CNTRL: variants seen among roughly 807,000 people sequenced by gnomAD.
CNTRL encodes 110 kDa centrosomal protein.
CNTRL carries 233 observed loss-of-function variants against 303.7 expected under a neutral mutation model. That is an observed-to-expected ratio of 0.77 (90% CI 0.69 to 0.86). The LOEUF (loss-of-function observed/expected upper bound fraction) is 0.86. Ranked by LOEUF, CNTRL falls within the 40% of genes least tolerant of loss-of-function variation. The pLI, the probability that CNTRL is intolerant of heterozygous loss-of-function variation, is 0.00. For synonymous variants in CNTRL, 900 were observed against 922.2 expected (o/e 0.98, Z 0.44); for missense variants, 2,524 against 2,650.6 (o/e 0.95, Z 1.05).
intron 14 of CNTRL, among the ~76,000 whole-genome samples, chr9:121,133,753 A>C (rs1426397787): frequency 6.6e-6 from 1 of 152,220 alleles, no homozygotes; most frequent in Non-Finnish European, 1.5e-5. Flanking sequence ...TGGGAGCTGC[A>C]GACCAAGCTG....
intron 26 of CNTRL, among the ~76,000 whole-genome samples, chr9:121,153,129 C>T (rs2052374306): frequency 6.6e-6 from 1 of 152,158 alleles, no homozygotes; most frequent in Non-Finnish European, 1.5e-5. Flanking sequence ...TGGTCCCTTT[C>T]TGTCATCTCC....
At chr9:121,152,755 C>T (rs2052351720) in intron 26 of CNTRL, 62 bp downstream of exon 26, 2 of 1,240,634 alleles carry the variant, frequency 1.6e-6, no homozygotes, top group Admixed American at 2.1e-5. Context: ...TGCTGTCGAA[C>T]AGAACTTTCT....
chr9:121,138,655 C>A lies in CNTRL; in HGVS notation c.2313C>A (p.Leu771=). ...AAAAGGAGCAAGAGAACAGTGAGCT[C>A]CATGCAAAACTTAAACACTTGCAGG... ...SEEKEQENSE[L]HAKLKHLQDD... is the part of the protein sequence containing the mutation. Residue 771 remains leucine (L), a synonymous_variant, in exon 16 of 44, where the codon CTC becomes CTA. Transcript: ENST00000373855. 1.2e-6 allele frequency: 2 copies of A among 1,613,786 alleles called. No homozygotes were observed. The highest frequency in any genetic ancestry group is 8.5e-7 in the Non-Finnish European group (1 of 1,179,794).
At chr9:121,086,006 G>A (rs1359301743) in intron 2 of CNTRL, among the ~76,000 whole-genome samples, 2 of 152,146 alleles carry the variant, frequency 1.3e-5, no homozygotes, top group Non-Finnish European at 2.9e-5. Context: ...GAAGGAAGGT[G>A]GTTCTGAGAG....
At chr9:121,139,806 T>C (rs1588228678) in intron 16 of CNTRL, among the ~76,000 whole-genome samples, 3 of 152,354 alleles carry the variant, frequency 2.0e-5, no homozygotes, top group Admixed American at 1.3e-4. Flanking sequence ...AAAAATTTCA[T>C]ACATCTTTCT....
chr9:121,078,594 C>T lies in CNTRL; in HGVS notation c.-204-1712C>T, dbSNP rs140729076. Among the ~76,000 whole-genome samples the T allele has an allele frequency of 7.5e-4, 114 of 152,270 alleles. 1 individual carries two copies. The highest frequency in any genetic ancestry group is 2.5e-3 in the African/African-American group (102 of 41,558). On this transcript the variant is annotated intron_variant, in intron 1 of 43. Coordinates refer to ENST00000373855, the MANE Select transcript of CNTRL (RefSeq NM_007018.6). ...TCTGACACTGTCTACCTGGAGACAGCGTCACATCCCTAAGGTTGAAGGCTG... is the reference window on the plus strand; with the variant it reads ...TCTGACACTGTCTACCTGGAGACAGTGTCACATCCCTAAGGTTGAAGGCTG...
At position 121,169,674 on chromosome 9, in the gene CNTRL, A is replaced by G; in HGVS notation, c.6134A>G (p.Gln2045Arg). 6.2e-7 allele frequency: 1 copy of G among 1,614,218 alleles called. No individual in the cohort carries two copies. Among genetic ancestry groups the G allele is most frequent in the East Asian group, 2.2e-5 (1 of 44,884 alleles). Residue 2045 changes from glutamine (Q) to arginine (R), a missense_variant, in exon 39 of 44, where the codon CAG (glutamine) becomes CGG (arginine). Gln to Arg is a conservative substitution (Grantham distance 43). Coordinates refer to ENST00000373855, the MANE Select transcript of CNTRL (RefSeq NM_007018.6). ...AAATCAGGTGAGCTGTTGGCCCTCC[A>G]GAAAGAGGCAGATTCTATGAGGGCA... ...VEKSGELLALQKEADSMRADF... is the reference protein window; with the variant it reads ...VEKSGELLALRKEADSMRADF...
intron 32 of CNTRL, chr9:121,161,316 GA>G (rs1461727877): frequency 4.7e-6 from 2 of 425,408 alleles, no homozygotes; most frequent in Admixed American, 4.3e-5. Context: ...TCTATGATCA[GA>G]AAAAAAGTTA....
intron 18 of CNTRL, 53 bp from the exon 19 acceptor site, chr9:121,142,038 G>A (rs2051545551): frequency 1.4e-6 from 2 of 1,427,496 alleles, no homozygotes; most frequent in Non-Finnish European, 9.4e-7. Flanking sequence ...TTTTTATTTT[G>A]CTTAAAACAT....
intron 2 of CNTRL, among the ~76,000 whole-genome samples, 164 bp from the exon 3 acceptor site, chr9:121,088,132 C>T (rs1004279342): frequency 2.0e-5 from 3 of 152,158 alleles, no homozygotes; most frequent in African/African-American, 7.2e-5. Context: ...GCAAGGTCAT[C>T]AGTGATGTTT....
Position 121,090,299 on chromosome 9 carries a change from G to C in CNTRL, c.242G>C (p.Arg81Thr). ...GGAGCTGATTCACATGCAGGAGTTA[G>C]ATATATTACAGAGGCCCTCATTAAA... ...HKGADSHAGV[R>T]YITEALIKKL... is the part of the protein sequence containing the mutation. Residue 81 changes from arginine to threonine, a missense_variant, in exon 4 of 44, where the codon AGA becomes ACA. Coordinates refer to ENST00000373855, the MANE Select transcript of CNTRL (RefSeq NM_007018.6). The C allele has an allele frequency of 6.2e-7, 1 of 1,609,654 alleles. No individual in the cohort carries two copies. Among genetic ancestry groups the C allele is most frequent in the Non-Finnish European group, 8.5e-7 (1 of 1,178,068 alleles).
chr9:121,088,886 A>C (rs2048448915), intron 3 of CNTRL, among the ~76,000 whole-genome samples: 1 of 152,264 alleles, frequency 6.6e-6, no homozygotes. Context: ...TCAGTAAAAA[A>C]ACGTTATACA....
At chr9:121,146,678 C>A (rs2051878754) in intron 23 of CNTRL, among the ~76,000 whole-genome samples, 1 of 152,210 alleles carries the variant, frequency 6.6e-6, no homozygotes, top group African/African-American at 2.4e-5. Context: ...GGTAAAGCCC[C>A]TGCTCTCAAA....
At chr9:121,128,800 T>C (rs2050687263) in intron 14 of CNTRL, among the ~76,000 whole-genome samples, 3 of 152,228 alleles carry the variant, frequency 2.0e-5, no homozygotes, top group South Asian at 2.1e-4. Context: ...CTTTAATCTA[T>C]CTTGAATTAA....
intron 7 of CNTRL, among the ~76,000 whole-genome samples, chr9:121,105,706 T>A (rs1279756212): frequency 6.6e-6 from 1 of 152,180 alleles, no homozygotes. Context: ...AGTGGTCAAC[T>A]CTGTTGAATG....
chr9:121,121,898 A>G, intron 12 of CNTRL: 2 of 985,452 alleles, frequency 2.0e-6, no homozygotes, highest in Non-Finnish European at 2.4e-6. Context: ...CGTTCCGCCC[A>G]CAGTTTCTCT....
chr9:121,168,059 G>C, intron 37 of CNTRL, 37 bp from the exon 38 acceptor site: 2 of 1,562,684 alleles, frequency 1.3e-6, no homozygotes, highest in South Asian at 1.1e-5. Flanking sequence ...GACACTATTT[G>C]TTGTTTAATG....
At chr9:121,166,291 G>A (rs1535655) in intron 36 of CNTRL, 111 bp downstream of exon 36, 477,117 of 657,822 alleles carry the variant, frequency 0.73, 175,749 homozygotes, top group East Asian at 0.96. Context: ...AGCAGATACC[G>A]TAGGGCCATT....
chr9:121,144,994 A>C, intron 21 of CNTRL, 35 bp downstream of exon 21: 5 of 1,539,328 alleles, frequency 3.2e-6, no homozygotes, highest in Non-Finnish European at 3.6e-6. Context: ...CCTCTTTCTC[A>C]GATTCTTATC....
Sources: allele counts gnomAD v4.1 joint callset (sites outside exome capture counted in the v4.1 genomes callset), GRCh38; gene constraint gnomAD v4.1.1; transcripts MANE v1.5; gene names NCBI Gene and HGNC (gene_info 2026-07-23, HGNC 2026-07-21).